Variants in RAD54L2 observed in about 807,000 individuals in gnomAD.
The protein encoded by RAD54L2 is helicase ARIP4.
RAD54L2 carries 27 observed loss-of-function variants against 138.4 expected under a neutral mutation model. That is an observed-to-expected ratio of 0.20 (90% CI 0.14 to 0.27). The LOEUF is 0.27. Among genes scored for constraint, RAD54L2 ranks in the 10% least tolerant of loss-of-function variants. The pLI is 1.00. For synonymous variants in RAD54L2, 644 were observed against 723.2 expected (o/e 0.89, Z 1.76); for missense variants, 1,396 against 1,890.2 (o/e 0.74, Z 4.85).
chr3:51,607,719 C>T (rs1224282180), intron 3 of RAD54L2, among the ~76,000 whole-genome samples: 3 of 148,972 alleles, frequency 2.0e-5, no homozygotes, highest in East Asian at 4.0e-4. Context: ...GACGGGGCGG[C>T]GGCCGGGCAG....
At chr3:51,589,306 A>G (rs1699783739) in intron 2 of RAD54L2, among the ~76,000 whole-genome samples, 1 of 152,188 alleles carries the variant, frequency 6.6e-6, no homozygotes, top group Non-Finnish European at 1.5e-5. Context: ...CTTAGGCAGA[A>G]GGATTGCTTG....
intron 3 of RAD54L2, among the ~76,000 whole-genome samples, chr3:51,601,207 T>G (rs1382054501): frequency 6.6e-6 from 1 of 151,916 alleles, no homozygotes; most frequent in Non-Finnish European, 1.5e-5. Flanking sequence ...AGAAAGGAGG[T>G]TTCACCATTT....
At chr3:51,593,468 G>A (rs1287864666) in intron 3 of RAD54L2, among the ~76,000 whole-genome samples, 1 of 151,964 alleles carries the variant, frequency 6.6e-6, no homozygotes, top group Non-Finnish European at 1.5e-5. Context: ...GAGTAGCTGG[G>A]ACTACAGGCG....
rs1377445107 is a variant in RAD54L2, at chr3:51,641,317, CT to C, written c.2232-418del. ...ACTGTTCCCGACCTAGAGTTACCCC[CT>C]TTTTTTTTTTTTTCTCCTGAGACAG... is the stretch of plus-strand genomic sequence containing the variant. On this transcript the variant is annotated intron_variant, in intron 14 of 22. Transcript: ENST00000684192. Among the ~76,000 whole-genome samples, 363 of 129,616 alleles carry C rather than the reference CT, an allele frequency of 2.8e-3. 2 individuals are homozygous for C. Among genetic ancestry groups the C allele is most frequent in the African/African-American group, 6.3e-3 (220 of 34,706 alleles). The allele number at this position is 129,616 out of a possible 152,430, so 85.0% of individuals were successfully genotyped here.
intron 20 of RAD54L2, among the ~76,000 whole-genome samples, chr3:51,656,818 G>A (rs996989970): frequency 1.3e-5 from 2 of 151,412 alleles, no homozygotes; most frequent in Admixed American, 6.6e-5. Flanking sequence ...ATCTTGGCTC[G>A]CTGCACTCCT....
Position 51,656,057 on chromosome 3 carries a change from T to C in RAD54L2, c.3113T>C (p.Val1038Ala). 6.2e-7 allele frequency: 1 copy of C among 1,613,976 alleles called. No individual in the cohort carries two copies. Among genetic ancestry groups the C allele is most frequent in the Non-Finnish European group, 8.5e-7 (1 of 1,179,856 alleles). Residue 1038 changes from valine (V) to alanine (A), a missense_variant, in exon 20 of 23, where the codon GTC (valine) becomes GCC (alanine). Physicochemically the swap from Val to Ala is moderately conservative, Grantham distance 64. Coordinates refer to ENST00000684192, the MANE Select transcript of RAD54L2 (RefSeq NM_015106.4). ...CCCATCCCCATGATGCCCCGGCATG[T>C]CCCATTGGGAGGAAGTGTAAGCTCT... ...STPIPMMPRH[V>A]PLGGSVSSAS...
intron 3 of RAD54L2, among the ~76,000 whole-genome samples, chr3:51,605,811 T>C (rs1006718699): frequency 5.3e-5 from 8 of 152,222 alleles, no homozygotes; most frequent in African/African-American, 1.9e-4. Flanking sequence ...ACAGTAATTA[T>C]AATTAGAGAC....
chr3:51,660,219 G>C, intron 22 of RAD54L2, 101 bp downstream of exon 22: 1 of 850,518 alleles, frequency 1.2e-6, no homozygotes, highest in East Asian at 2.7e-5. Flanking sequence ...ATATGTACAT[G>C]GTTCACAATT....
intron 2 of RAD54L2, among the ~76,000 whole-genome samples, chr3:51,568,423 T>A (rs935904014): frequency 1.3e-5 from 2 of 152,222 alleles, no homozygotes; most frequent in Non-Finnish European, 2.9e-5. Context: ...ACTTGTTGAT[T>A]GAATAACCAG....
chr3:51,636,712 T>C (rs1700989803), intron 10 of RAD54L2, among the ~76,000 whole-genome samples: 1 of 152,034 alleles, frequency 6.6e-6, no homozygotes, highest in African/African-American at 2.4e-5. Flanking sequence ...CAGAGGCAGA[T>C]CATGAGGTCA....
chr3:51,622,240 G>C (rs1311724743), intron 3 of RAD54L2, among the ~76,000 whole-genome samples: 1 of 152,114 alleles, frequency 6.6e-6, no homozygotes, highest in African/African-American at 2.4e-5. Context: ...GTCTGGCTGG[G>C]CACATAAGCA....
chr3:51,654,588 G>C (rs1701549495), intron 19 of RAD54L2, among the ~76,000 whole-genome samples: 2 of 152,104 alleles, frequency 1.3e-5, no homozygotes, highest in Non-Finnish European at 2.9e-5. Context: ...AGATAGTATT[G>C]CTCAGGAATG....
intron 2 of RAD54L2, among the ~76,000 whole-genome samples, chr3:51,549,056 G>A (rs1029031293): frequency 6.6e-6 from 1 of 151,998 alleles, no homozygotes; most frequent in Non-Finnish European, 1.5e-5. Context: ...GCAATGGTGC[G>A]ATCTTGGCTC....
chr3:51,646,597 A>G, intron 19 of RAD54L2, 116 bp downstream of exon 19: 1 of 1,107,606 alleles, frequency 9.0e-7, no homozygotes, highest in Non-Finnish European at 1.3e-6. Context: ...CTGTGAATTG[A>G]CAGGCTCTGC....
chr3:51,663,594 CAAA>C lies in RAD54L2; in HGVS notation c.*196_*198del, dbSNP rs34235841. 0.022 allele frequency: 1,212 copies of C among 54,536 alleles called. No homozygotes were observed. Among genetic ancestry groups the C allele is most frequent in the Middle Eastern group, 0.11 (13 of 116 alleles). The allele number at this position is 54,536 out of a possible 1,614,324, so 3.4% of individuals were successfully genotyped here. ...CTCTGTTGCTGTTTAACAAAAGAGG[CAAA>C]AAAAAAAAAAAAAAAAAAAAAGTCC... On this transcript the variant is annotated 3_prime_UTR_variant, in exon 23 of 23. Coordinates refer to ENST00000684192, the MANE Select transcript of RAD54L2 (RefSeq NM_015106.4).
intron 2 of RAD54L2, among the ~76,000 whole-genome samples, chr3:51,543,548 C>T (rs570219107): frequency 1.4e-4 from 20 of 143,830 alleles, no homozygotes; most frequent in East Asian, 4.2e-4. Flanking sequence ...GCGGAGGTTG[C>T]GGTGAGCAGA....
chr3:51,571,107 T>C (rs930725229), intron 2 of RAD54L2, among the ~76,000 whole-genome samples: 1 of 152,146 alleles, frequency 6.6e-6, no homozygotes, highest in African/African-American at 2.4e-5. Context: ...AGGAGTAAGC[T>C]GCTGCGCTCA....
chr3:51,565,431 G>T (rs750638349), intron 2 of RAD54L2, among the ~76,000 whole-genome samples: 52 of 152,226 alleles, frequency 3.4e-4, no homozygotes, highest in Non-Finnish European at 6.5e-4. Flanking sequence ...GTGTGTGTGT[G>T]TTTATATACT....
chr3:51,556,381 C>G (rs534176852), intron 2 of RAD54L2, among the ~76,000 whole-genome samples: 89 of 152,150 alleles, frequency 5.8e-4, no homozygotes, highest in South Asian at 8.3e-4. Context: ...CCATGCTATC[C>G]TCTTAGGCGG....
Sources: allele counts gnomAD v4.1 joint callset (sites outside exome capture counted in the v4.1 genomes callset), GRCh38; gene constraint gnomAD v4.1.1; transcripts MANE v1.5; gene names NCBI Gene and HGNC (gene_info 2026-07-23, HGNC 2026-07-21).